ARHGAP32: variants seen among roughly 807,000 people sequenced by gnomAD.
The protein encoded by ARHGAP32 is rho GTPase-activating protein 32.
In ARHGAP32, 51 loss-of-function variants were observed where a neutral mutation model predicts 186.5. The observed-to-expected ratio is 0.27, with a 90% confidence interval of 0.22 to 0.35. The LOEUF (loss-of-function observed/expected upper bound fraction) is 0.35. Among genes scored for constraint, ARHGAP32 ranks in the 10% least tolerant of loss-of-function variants. The pLI, the probability that ARHGAP32 is intolerant of heterozygous loss-of-function variation, is 1.00. For synonymous variants in ARHGAP32, 950 were observed against 964.3 expected (o/e 0.99, Z 0.27); for missense variants, 2,186 against 2,623.5 (o/e 0.83, Z 3.64).
At chr11:128,992,184 A>C (rs1048539998) in intron 12 of ARHGAP32, among the ~76,000 whole-genome samples, 1 of 152,188 alleles carries the variant, frequency 6.6e-6, no homozygotes, top group Admixed American at 6.6e-5. Context: ...AGTTTTGTGC[A>C]TATCATACAA....
At chr11:129,134,388 C>T (rs1332709754) in intron 2 of ARHGAP32, among the ~76,000 whole-genome samples, 3 of 151,928 alleles carry the variant, frequency 2.0e-5, no homozygotes, top group Non-Finnish European at 4.4e-5. Flanking sequence ...GCCTCACCAG[C>T]GTAATCAGGA....
chr11:129,061,168 G>A (rs865916773), intron 10 of ARHGAP32, among the ~76,000 whole-genome samples: 2 of 151,968 alleles, frequency 1.3e-5, no homozygotes, highest in South Asian at 4.2e-4. Context: ...AATATAGCAG[G>A]AGCATTTTAT....
intron 1 of ARHGAP32, among the ~76,000 whole-genome samples, chr11:129,248,743 T>C (rs974539113): frequency 9.2e-5 from 14 of 152,202 alleles, no homozygotes; most frequent in African/African-American, 3.4e-4. Context: ...CTCTCCTCCT[T>C]TTCCTGTACA....
At chr11:129,173,714 A>T (rs1409922789) in intron 1 of ARHGAP32, among the ~76,000 whole-genome samples, 1 of 152,216 alleles carries the variant, frequency 6.6e-6, no homozygotes, top group Non-Finnish European at 1.5e-5. Context: ...CAATAGGTGA[A>T]ATTTAATACC....
At chr11:129,099,393 G>A (rs1272043835) in intron 5 of ARHGAP32, among the ~76,000 whole-genome samples, 4 of 152,174 alleles carry the variant, frequency 2.6e-5, no homozygotes, top group East Asian at 3.9e-4. Context: ...TAGCCTAGAA[G>A]CAATAGGCTA....
At chr11:129,023,160 T>C (rs1035232003) in intron 11 of ARHGAP32, among the ~76,000 whole-genome samples, 79 of 152,172 alleles carry the variant, frequency 5.2e-4, no homozygotes, top group Non-Finnish European at 1.2e-4. Flanking sequence ...CTGGTCTCCA[T>C]GTTATTTTAA....
At chr11:129,019,390 G>A (rs1938497732) in intron 11 of ARHGAP32, among the ~76,000 whole-genome samples, 1 of 152,056 alleles carries the variant, frequency 6.6e-6, no homozygotes, top group Non-Finnish European at 1.5e-5. Context: ...AATTTAATCT[G>A]TTTGTATTAA....
chr11:129,061,762 C>T (rs1480510712), intron 10 of ARHGAP32, among the ~76,000 whole-genome samples: 1 of 152,070 alleles, frequency 6.6e-6, no homozygotes, highest in African/African-American at 2.4e-5. Context: ...TTAATGTTTT[C>T]GAACCTTGGT....
At chr11:129,103,838 T>C (rs941577768) in intron 5 of ARHGAP32, among the ~76,000 whole-genome samples, 1 of 152,066 alleles carries the variant, frequency 6.6e-6, no homozygotes, top group Admixed American at 6.5e-5. Flanking sequence ...CAAATAAAAA[T>C]AATCTGAAAG....
At chr11:129,270,624 G>A (rs2135726371) in intron 1 of ARHGAP32, among the ~76,000 whole-genome samples, 1 of 151,948 alleles carries the variant, frequency 6.6e-6, no homozygotes, top group Admixed American at 6.6e-5. Context: ...ACTCTGATGT[G>A]GGATGCTGAT....
chr11:129,128,245 T>G (rs1942707455), intron 2 of ARHGAP32, among the ~76,000 whole-genome samples: 1 of 152,198 alleles, frequency 6.6e-6, no homozygotes, highest in Non-Finnish European at 1.5e-5. Flanking sequence ...ATATTTTTAT[T>G]CATCTTTTAA....
At chr11:129,116,357 T>C (rs1942370496) in intron 5 of ARHGAP32, among the ~76,000 whole-genome samples, 1 of 152,084 alleles carries the variant, frequency 6.6e-6, no homozygotes. Context: ...TCAAACGAGA[T>C]ACAGTGAAAA....
At chr11:129,023,224 C>A (rs951210071) in intron 11 of ARHGAP32, among the ~76,000 whole-genome samples, 6 of 152,054 alleles carry the variant, frequency 3.9e-5, no homozygotes, top group African/African-American at 1.4e-4. Context: ...TACGGAACAC[C>A]ACCTTAGTGG....
intron 1 of ARHGAP32, among the ~76,000 whole-genome samples, chr11:129,219,475 A>G (rs531449567): frequency 6.8e-4 from 103 of 152,272 alleles, no homozygotes; most frequent in African/African-American, 2.3e-3. Context: ...AATTTAAACT[A>G]ATGTTTTGGC....
At chr11:129,193,638 A>G (rs1226688637), upstream of ARHGAP32, among the ~76,000 whole-genome samples, 7 of 82,710 alleles carry the variant, frequency 8.5e-5, no homozygotes, top group Non-Finnish European at 1.1e-4. Flanking sequence ...TATATAATAT[A>G]TGTTATATAA....
intron 13 of ARHGAP32, among the ~76,000 whole-genome samples, chr11:128,986,900 TA>T (rs1327232013): frequency 6.6e-6 from 1 of 152,220 alleles, no homozygotes; most frequent in Non-Finnish European, 1.5e-5. Flanking sequence ...GCTTTAATAT[TA>T]AAATGGACAA....
chr11:129,146,644 A>G (rs1943172664), intron 2 of ARHGAP32, among the ~76,000 whole-genome samples: 1 of 152,114 alleles, frequency 6.6e-6, no homozygotes, highest in African/African-American at 2.4e-5. Context: ...AGATTTATGA[A>G]GAGTACATAA....
chr11:129,229,723 C>T (rs1363981497), intron 1 of ARHGAP32, among the ~76,000 whole-genome samples: 11 of 152,050 alleles, frequency 7.2e-5, no homozygotes, highest in Non-Finnish European at 1.6e-4. Flanking sequence ...TTTAAAAATC[C>T]AATTACTTAA....
intron 10 of ARHGAP32, among the ~76,000 whole-genome samples, chr11:129,048,949 C>T (rs1939925530): frequency 6.6e-6 from 1 of 151,826 alleles, no homozygotes; most frequent in African/African-American, 2.4e-5. Flanking sequence ...ATAGTTACAT[C>T]TGGCAGAACA....
Sources: allele counts gnomAD v4.1 joint callset (sites outside exome capture counted in the v4.1 genomes callset), GRCh38; gene constraint gnomAD v4.1.1; transcripts MANE v1.5; gene names NCBI Gene and HGNC (gene_info 2026-07-23, HGNC 2026-07-21).